PLCB1: variants seen among roughly 807,000 people sequenced by gnomAD.
PLCB1 encodes the protein 1-phosphatidylinositol 4,5-bisphosphate phosphodiesterase beta-1.
PLCB1 carries 46 observed loss-of-function variants against 161.8 expected under a neutral mutation model. The ratio of observed to expected loss-of-function variants is 0.28; its 90% CI spans 0.22 to 0.36. PLCB1 has a LOEUF of 0.36. Among genes scored for constraint, PLCB1 ranks in the 10% least tolerant of loss-of-function variants. The pLI is 1.00. For synonymous variants in PLCB1, 517 were observed against 503.7 expected, an observed-to-expected ratio of 1.03 and a Z score of -0.35; for missense variants, 1,016 against 1,472.5, an observed-to-expected ratio of 0.69 and a Z score of 5.07.
intron 27 of PLCB1, among the ~76,000 whole-genome samples, chr20:8,781,148 G>T (rs1983199277): frequency 6.6e-6 from 1 of 152,108 alleles, no homozygotes; most frequent in Non-Finnish European, 1.5e-5. Flanking sequence ...AGGAGTAATT[G>T]CAGTCTCAGG....
At chr20:8,662,408 T>C (rs1165547163) in intron 9 of PLCB1, among the ~76,000 whole-genome samples, 2 of 130,616 alleles carry the variant, frequency 1.5e-5, no homozygotes, top group African/African-American at 2.9e-5. Flanking sequence ...TATATAATTA[T>C]GTATAATATA....
intron 2 of PLCB1, among the ~76,000 whole-genome samples, chr20:8,344,614 G>A (rs1600330885): frequency 1.3e-5 from 2 of 151,710 alleles, no homozygotes; most frequent in Non-Finnish European, 1.5e-5. Context: ...CTGCTCCAGC[G>A]ATTCCCTGAA....
intron 3 of PLCB1, among the ~76,000 whole-genome samples, chr20:8,576,878 A>G (rs1357113603): frequency 3.3e-5 from 5 of 152,212 alleles, no homozygotes; most frequent in Admixed American, 3.3e-4. Flanking sequence ...CTACATTTCT[A>G]TGAGTTTTTC....
chr20:8,547,853 G>C (rs1332895062), intron 3 of PLCB1, among the ~76,000 whole-genome samples: 1 of 152,132 alleles, frequency 6.6e-6, no homozygotes, highest in Admixed American at 6.5e-5. Flanking sequence ...GACCTTGAAG[G>C]CTCTACATGC....
At chr20:8,272,845 A>C (rs975356350) in intron 2 of PLCB1, among the ~76,000 whole-genome samples, 1 of 152,182 alleles carries the variant, frequency 6.6e-6, no homozygotes, top group Non-Finnish European at 1.5e-5. Context: ...CCAACATTTC[A>C]TGCAATCAGT....
At chr20:8,531,565 A>G (rs1254722368) in intron 3 of PLCB1, among the ~76,000 whole-genome samples, 2 of 152,076 alleles carry the variant, frequency 1.3e-5, no homozygotes, top group Non-Finnish European at 2.9e-5. Flanking sequence ...TGTACTCACA[A>G]TCTATCCTCC....
At chr20:8,778,585 A>G (rs761224510) in intron 27 of PLCB1, among the ~76,000 whole-genome samples, 4 of 152,168 alleles carry the variant, frequency 2.6e-5, no homozygotes, top group Non-Finnish European at 5.9e-5. Context: ...GTGAGTACAC[A>G]TTGTAAAAGT....
At chr20:8,751,094 C>A (rs1981448120) in intron 23 of PLCB1, 2 of 197,418 alleles carry the variant, frequency 1.0e-5, no homozygotes, top group South Asian at 1.1e-4. Context: ...CACCACCAAG[C>A]CCGGCTAATT....
Position 8,765,149 on chromosome 20 carries a change from A to G in PLCB1, c.2721A>G (p.Ala907=), listed in dbSNP as rs768459746. The change falls in exon 26 of 32, where the codon GCA becomes GCG. Residue 907 remains alanine (A), a synonymous_variant. Transcript: ENST00000338037. ...LIQSVLTEVE[A]QTIEELKQQK... ...ATTCATTTGTTGCAGAAGTGGAAGC[A>G]CAGACCATCGAAGAACTAAAGCAAC... is the stretch of plus-strand genomic sequence containing the variant. 7 of 1,613,256 alleles carry G rather than the reference A, an allele frequency of 4.3e-6. No individual in the cohort carries two copies. Among genetic ancestry groups the G allele is most frequent in the Non-Finnish European group, 5.9e-6 (7 of 1,179,714 alleles).
chr20:8,537,284 A>T (rs2179440), intron 3 of PLCB1, among the ~76,000 whole-genome samples: 2 of 152,182 alleles, frequency 1.3e-5, no homozygotes, highest in Non-Finnish European at 2.9e-5. Context: ...CAGTTTTTAC[A>T]TGCTGTCCTA....
chr20:8,282,468 A>T (rs1411913230), intron 2 of PLCB1, among the ~76,000 whole-genome samples: 2 of 152,202 alleles, frequency 1.3e-5, no homozygotes, highest in Non-Finnish European at 1.5e-5. Context: ...AAGGAATATA[A>T]CCAACTTTTT....
intron 7 of PLCB1, among the ~76,000 whole-genome samples, chr20:8,656,012 T>C (rs1989448216): frequency 6.6e-6 from 1 of 152,152 alleles, no homozygotes; most frequent in South Asian, 2.1e-4. Context: ...TTTTTATGAA[T>C]GGCAAAATAC....
At chr20:8,823,001 T>G (rs113762234) in intron 31 of PLCB1, among the ~76,000 whole-genome samples, 3 of 152,208 alleles carry the variant, frequency 2.0e-5, no homozygotes, top group Non-Finnish European at 4.4e-5. Flanking sequence ...CCCTAAATCA[T>G]TGAGTTAGGT....
intron 23 of PLCB1, chr20:8,751,636 T>C (rs1393101591): frequency 6.6e-6 from 1 of 152,222 alleles, no homozygotes; most frequent in Non-Finnish European, 1.5e-5. Context: ...ATTGCAATGA[T>C]TGCATTTGTC....
chr20:8,840,628 C>T (rs6140743), intron 31 of PLCB1, among the ~76,000 whole-genome samples: 48,719 of 152,014 alleles, frequency 0.32, 8,795 homozygotes, highest in East Asian at 0.63. Context: ...GCATGCTTTC[C>T]TTTTGGAGGC....
chr20:8,836,653 A>G (rs1269541459), intron 31 of PLCB1, among the ~76,000 whole-genome samples: 6 of 133,362 alleles, frequency 4.5e-5, no homozygotes, highest in African/African-American at 1.0e-4. Flanking sequence ...CAATAGAGAT[A>G]TATAAATATT....
chr20:8,370,668 C>T (rs913429932), intron 2 of PLCB1, among the ~76,000 whole-genome samples: 2 of 152,080 alleles, frequency 1.3e-5, no homozygotes, highest in African/African-American at 4.8e-5. Context: ...TCTCTGAGCC[C>T]CTAGGAAAAA....
At chr20:8,804,606 A>G (rs1984437455) in intron 31 of PLCB1, among the ~76,000 whole-genome samples, 1 of 152,164 alleles carries the variant, frequency 6.6e-6, no homozygotes, top group Non-Finnish European at 1.5e-5. Flanking sequence ...TAATTTTAAT[A>G]TTTCCCCAAA....
chr20:8,159,705 A>G (rs1311641955), intron 2 of PLCB1, among the ~76,000 whole-genome samples: 1 of 152,156 alleles, frequency 6.6e-6, no homozygotes, highest in Middle Eastern at 3.4e-3. Flanking sequence ...TTCTTCCACC[A>G]GGCCGGGCGT....
Sources: allele counts gnomAD v4.1 joint callset (sites outside exome capture counted in the v4.1 genomes callset), GRCh38; gene constraint gnomAD v4.1.1; transcripts MANE v1.5; gene names NCBI Gene and HGNC (gene_info 2026-07-23, HGNC 2026-07-21).